Variants in CSMD1 observed in about 807,000 individuals in gnomAD.
The protein encoded by CSMD1 is CUB and Sushi multiple domains 1.
In CSMD1, 213 loss-of-function variants were observed where a neutral mutation model predicts 417.5. The ratio of observed to expected loss-of-function variants is 0.51; its 90% CI spans 0.46 to 0.57. CSMD1 has a LOEUF of 0.57. CSMD1 is among the 20% of genes least tolerant of loss of function. CSMD1 has a pLI of 0.00. For synonymous variants in CSMD1, 2,862 were observed against 1,736.8 expected (o/e 1.65, Z -16.11); for missense variants, 6,923 against 4,529.7 (o/e 1.53, Z -15.17).
At chr8:3,819,142 C>A (rs746148715) in intron 5 of CSMD1, among the ~76,000 whole-genome samples, 2 of 152,046 alleles carry the variant, frequency 1.3e-5, no homozygotes, top group Non-Finnish European at 2.9e-5. Flanking sequence ...GTCTAGCAGG[C>A]GGAAAGGAAT....
At chr8:4,244,168 A>C (rs986069247) in intron 3 of CSMD1, among the ~76,000 whole-genome samples, 1 of 152,198 alleles carries the variant, frequency 6.6e-6, no homozygotes, top group South Asian at 2.1e-4. Flanking sequence ...CAGCTCTGCA[A>C]GTTTCTGGTA....
intron 1 of CSMD1, among the ~76,000 whole-genome samples, chr8:4,753,600 A>G (rs937837820): frequency 1.3e-5 from 2 of 152,178 alleles, no homozygotes; most frequent in African/African-American, 2.4e-5. Context: ...TGAACCTGAC[A>G]TCCTCACAGT....
At chr8:4,719,763 C>G (rs1427927218) in intron 1 of CSMD1, among the ~76,000 whole-genome samples, 1 of 152,142 alleles carries the variant, frequency 6.6e-6, no homozygotes, top group African/African-American at 2.4e-5. Context: ...TTACGATTTT[C>G]AAAGTACAAA....
chr8:3,621,538 T>C (rs926453061), intron 7 of CSMD1, among the ~76,000 whole-genome samples: 2 of 152,102 alleles, frequency 1.3e-5, no homozygotes, highest in African/African-American at 2.4e-5. Flanking sequence ...GGATGTACAA[T>C]AGCATCAATA....
chr8:3,809,619 C>T (rs1162727937), intron 5 of CSMD1, among the ~76,000 whole-genome samples: 1 of 152,160 alleles, frequency 6.6e-6, no homozygotes, highest in Non-Finnish European at 1.5e-5. Flanking sequence ...CTAATTCAGT[C>T]TGTCTCTGGT....
intron 49 of CSMD1, among the ~76,000 whole-genome samples, chr8:3,068,584 C>T (rs966737706): frequency 1.1e-4 from 17 of 151,922 alleles, no homozygotes; most frequent in South Asian, 2.1e-4. Context: ...GCAGGCTGTA[C>T]GGGAAACAAG....
At chr8:3,599,236 G>T (rs1801243269) in intron 8 of CSMD1, among the ~76,000 whole-genome samples, 1 of 151,654 alleles carries the variant, frequency 6.6e-6, no homozygotes, top group Admixed American at 6.6e-5. Context: ...AAAGTGAAAT[G>T]ATTACTGCAG....
At chr8:4,643,348 G>A (rs1028039208) in intron 1 of CSMD1, among the ~76,000 whole-genome samples, 2 of 152,070 alleles carry the variant, frequency 1.3e-5, no homozygotes, top group Non-Finnish European at 2.9e-5. Context: ...CTGTGTAAAC[G>A]AGAACTTGAT....
intron 5 of CSMD1, among the ~76,000 whole-genome samples, chr8:3,960,673 A>T (rs1812263795): frequency 6.6e-6 from 1 of 152,032 alleles, no homozygotes; most frequent in African/African-American, 2.4e-5. Context: ...AGTTATGATA[A>T]AACTTTTTAT....
chr8:3,675,065 T>G (rs980816164), intron 7 of CSMD1, among the ~76,000 whole-genome samples: 22 of 152,188 alleles, frequency 1.4e-4, no homozygotes, highest in African/African-American at 5.1e-4. Context: ...TTTGGAAACC[T>G]GACGAATACC....
At chr8:4,608,434 A>G (rs1007443305) in intron 2 of CSMD1, among the ~76,000 whole-genome samples, 2 of 152,204 alleles carry the variant, frequency 1.3e-5, no homozygotes, top group African/African-American at 4.8e-5. Flanking sequence ...TGGACTTGAC[A>G]TGATTTGCCA....
At chr8:3,212,571 C>A (rs1432425647) in intron 30 of CSMD1, among the ~76,000 whole-genome samples, 2 of 152,094 alleles carry the variant, frequency 1.3e-5, no homozygotes, top group Non-Finnish European at 2.9e-5. Flanking sequence ...TCAGGCTGGT[C>A]TCAAACTCCT....
intron 3 of CSMD1, among the ~76,000 whole-genome samples, chr8:4,215,745 C>G (rs1800628685): frequency 6.6e-6 from 1 of 151,964 alleles, no homozygotes; most frequent in Non-Finnish European, 1.5e-5. Context: ...AGTAATACTT[C>G]CTGTCACTTT....
At chr8:3,350,070 T>A (rs149999514) in intron 21 of CSMD1, among the ~76,000 whole-genome samples, 2,481 of 142,234 alleles carry the variant, frequency 0.017, 90 homozygotes, top group African/African-American at 0.063. Context: ...CTTGTGTATG[T>A]GTGTGTTATA....
At chr8:4,534,685 G>A (rs1316946328) in intron 2 of CSMD1, among the ~76,000 whole-genome samples, 1 of 152,034 alleles carries the variant, frequency 6.6e-6, no homozygotes, top group Non-Finnish European at 1.5e-5. Context: ...GAGAACATGT[G>A]GTATTTGGTA....
intron 40 of CSMD1, 120 bp from the exon 41 acceptor site, chr8:3,142,794 C>G: frequency 4.5e-6 from 4 of 885,762 alleles, no homozygotes; most frequent in South Asian, 4.5e-5. Flanking sequence ...TGAGACAGAA[C>G]CATGCCGTGG....
At chr8:4,764,771 G>A (rs561295607) in intron 1 of CSMD1, among the ~76,000 whole-genome samples, 4 of 150,334 alleles carry the variant, frequency 2.7e-5, no homozygotes, top group Non-Finnish European at 4.4e-5. Context: ...TACTCTGGAG[G>A]CTGCGGCAGG....
At chr8:3,916,034 G>A (rs1439617679) in intron 5 of CSMD1, among the ~76,000 whole-genome samples, 2 of 151,602 alleles carry the variant, frequency 1.3e-5, no homozygotes, top group African/African-American at 4.8e-5. Context: ...GCAGACACAA[G>A]ACAAATGGGT....
rs1218480726 is a variant in CSMD1 at position 3,778,095 on chromosome 8, C to G, written c.819-24053G>C. Among the ~76,000 whole-genome samples the G allele has an allele frequency of 2.0e-5, 3 of 152,318 alleles. No homozygotes were observed. The East Asian group carries it at 5.8e-4, about 29-fold the overall frequency. ...GAAACTGGAGTTTGAGAGCTGCTGG[C>G]CCAGAGCATTATCTTGAGAAAGACT... On this transcript the variant is annotated intron_variant, in intron 5 of 69. Coordinates refer to ENST00000635120, the MANE Select transcript of CSMD1 (RefSeq NM_033225.6).
Sources: allele counts gnomAD v4.1 joint callset (sites outside exome capture counted in the v4.1 genomes callset), GRCh38; gene constraint gnomAD v4.1.1; transcripts MANE v1.5; gene names NCBI Gene and HGNC (gene_info 2026-07-23, HGNC 2026-07-21).